The following PTPN3 variants were observed in gnomAD, a reference collection of about 807,000 sequenced individuals.
PTPN3 encodes protein tyrosine phosphatase non-receptor type 3, also known as tyrosine-protein phosphatase non-receptor type 3.
In PTPN3, 96 loss-of-function variants were observed where a neutral mutation model predicts 132.7. The ratio of observed to expected loss-of-function variants is 0.72; its 90% CI spans 0.61 to 0.86. The LOEUF is 0.86. PTPN3 is among the 40% of genes least tolerant of loss of function. PTPN3 has a pLI of 0.00. For synonymous variants in PTPN3, 398 were observed against 429.0 expected, an observed-to-expected ratio of 0.93 and a Z score of 0.89; for missense variants, 1,125 against 1,159.6, an observed-to-expected ratio of 0.97 and a Z score of 0.43.
At chr9:109,469,498 TATCTC>T (rs1008622838) in intron 1 of PTPN3, among the ~76,000 whole-genome samples, 1 of 152,074 alleles carries the variant, frequency 6.6e-6, no homozygotes, top group African/African-American at 2.4e-5. Flanking sequence ...GCACGCCTGT[TATCTC>T]AGCTACTTGG....
the PTPN3 span, among the ~76,000 whole-genome samples, chr9:109,519,472 A>G: frequency 6.6e-6 from 1 of 152,230 alleles, no homozygotes; most frequent in Admixed American, 6.5e-5. Context: ...TAACTGCATC[A>G]TAGGTCGAGG....
rs148487483 is a variant in PTPN3 at position 109,407,254 on chromosome 9, G to A, written c.1636-636C>T. ...GGTAACTATGGAGCCAGGTGAGGTG[G>A]GACACACCTGTGGTCTCAGCGACTT... On this transcript the variant is annotated intron_variant, in intron 17 of 25. Transcript: ENST00000374541. Among the ~76,000 whole-genome samples, 8 of 152,288 alleles carry A rather than the reference G, an allele frequency of 5.3e-5. No homozygotes were observed. In the East Asian group the frequency reaches 1.5e-3, roughly 29 times the overall value.
chr9:109,442,846 G>T (rs1844586606), intron 7 of PTPN3, among the ~76,000 whole-genome samples: 1 of 152,124 alleles, frequency 6.6e-6, no homozygotes, highest in African/African-American at 2.4e-5. Flanking sequence ...AGGTACAAGT[G>T]GAAAAGGCAA....
At chr9:109,417,415 T>C (rs1330096447) in intron 14 of PTPN3, among the ~76,000 whole-genome samples, 1 of 152,266 alleles carries the variant, frequency 6.6e-6, no homozygotes, top group Non-Finnish European at 1.5e-5. Flanking sequence ...TGTGATATTA[T>C]TCATCCGATT....
rs760355107 is a variant in PTPN3, at chr9:109,454,529, G to A, written c.335C>T (p.Pro112Leu). Reference sequence around the variant, plus strand: ...TTCTTGCTGCAGTGTGTTGGGATCAGGTATAAAAAATCTTACTCGAAAATG... The same window carrying A: ...TTCTTGCTGCAGTGTGTTGGGATCAAGTATAAAAAATCTTACTCGAAAATG... ...TLHFRVRFFI[P>L]DPNTLQQEQT... Residue 112 changes from proline (P) to leucine (L), a missense_variant, in exon 5 of 26, where the codon CCT becomes CTT. Coordinates refer to ENST00000374541, the MANE Select transcript of PTPN3 (RefSeq NM_002829.4). The A allele has an allele frequency of 6.2e-7, 1 of 1,613,388 alleles. No individual in the cohort carries two copies. Among genetic ancestry groups the A allele is most frequent in the South Asian group, 1.1e-5 (1 of 91,044 alleles).
In PTPN3 at chr9:109,427,105, A is replaced by ATGT. The variant is rs774066125; in HGVS notation, c.843_845dup (p.Glu281_His282insGln). On this transcript the variant is annotated inframe_insertion, in exon 12 of 26. Transcript: ENST00000374541. ...AATTCAGCATGTTGAAGGCCACAAT[A>ATGT]TGTTCCCTGGATTCAGCCTGGGAGG... is the stretch of plus-strand genomic sequence containing the variant. 2.9e-5 allele frequency: 47 copies of ATGT among 1,614,000 alleles called. No homozygotes were observed. Among genetic ancestry groups the ATGT allele is most frequent in the Non-Finnish European group, 3.6e-5 (42 of 1,180,000 alleles).
At chr9:109,503,008 G>A (rs138019187), upstream of PTPN3, among the ~76,000 whole-genome samples, 73 of 152,254 alleles carry the variant, frequency 4.8e-4, no homozygotes, top group Admixed American at 7.2e-4. Context: ...GTCTTTGGGT[G>A]TCTATTTTTT....
intron 7 of PTPN3, 97 bp downstream of exon 7, chr9:109,445,143 G>C (rs899122358): frequency 7.9e-7 from 1 of 1,270,292 alleles, no homozygotes; most frequent in African/African-American, 1.5e-5. Context: ...GATTCCTGGG[G>C]AAGAGGGACT....
At chr9:109,459,502 G>T (rs1029179149) in intron 2 of PTPN3, among the ~76,000 whole-genome samples, 11 of 152,210 alleles carry the variant, frequency 7.2e-5, no homozygotes, top group African/African-American at 2.7e-4. Flanking sequence ...TAAGAACAAT[G>T]ACGTTCATAA....
chr9:109,480,489 T>C (rs1846906686), intron 1 of PTPN3, among the ~76,000 whole-genome samples: 2 of 152,240 alleles, frequency 1.3e-5, no homozygotes, highest in African/African-American at 4.8e-5. Context: ...TAGGTTGCCT[T>C]TTCACTTTCT....
intron 1 of PTPN3, among the ~76,000 whole-genome samples, chr9:109,470,175 C>T (rs1252243976): frequency 5.9e-5 from 9 of 152,130 alleles, no homozygotes; most frequent in East Asian, 3.8e-4. Flanking sequence ...GTGCACTTCT[C>T]GTCAAATGCC....
At chr9:109,458,926 C>T (rs1845692957) in intron 2 of PTPN3, among the ~76,000 whole-genome samples, 1 of 152,218 alleles carries the variant, frequency 6.6e-6, no homozygotes, top group African/African-American at 2.4e-5. Flanking sequence ...TATATATGAT[C>T]TCTAATCTTT....
intron 1 of PTPN3, among the ~76,000 whole-genome samples, chr9:109,493,076 C>G (rs970045389): frequency 1.3e-5 from 2 of 152,136 alleles, no homozygotes; most frequent in Non-Finnish European, 2.9e-5. Context: ...ACTTTGACAA[C>G]AGATGATTTG....
At chr9:109,493,860 A>G (rs1017297418) in intron 1 of PTPN3, among the ~76,000 whole-genome samples, 2 of 152,212 alleles carry the variant, frequency 1.3e-5, no homozygotes, top group African/African-American at 4.8e-5. Flanking sequence ...AGAGGAGTTC[A>G]GCCCCCACCT....
chr9:109,383,016 T>C (rs991662053), intron 23 of PTPN3, among the ~76,000 whole-genome samples: 1 of 152,210 alleles, frequency 6.6e-6, no homozygotes, highest in Non-Finnish European at 1.5e-5. Flanking sequence ...TCTCTATGAA[T>C]TGGACGACTC....
intron 9 of PTPN3, among the ~76,000 whole-genome samples, chr9:109,434,300 G>A (rs1232951999): frequency 1.6e-4 from 24 of 147,912 alleles, no homozygotes; most frequent in Middle Eastern, 3.5e-3. Context: ...GTGCCACCAC[G>A]CCCAGCTAAT....
At position 109,420,585 on chromosome 9, in the gene PTPN3, G is replaced by C. The variant is rs142016536; in HGVS notation, c.1152C>G (p.Leu384=). The C allele has an allele frequency of 1.4e-5, 23 of 1,609,148 alleles. No homozygotes were observed. The highest frequency in any genetic ancestry group is 2.0e-5 in the Non-Finnish European group (23 of 1,177,270). ...GGCGTGGCTTTCGGATTTCGTGCCG[G>C]AGCCGAGGACTTCGCCTGGGTGGGA... is the stretch of plus-strand genomic sequence containing the variant. ...PITPNWRSPR[L]RHEIRKPRHS... The change falls in exon 14 of 26, where the codon CTC becomes CTG. Residue 384 remains leucine, a synonymous_variant. Coordinates refer to ENST00000374541, the MANE Select transcript of PTPN3 (RefSeq NM_002829.4).
the PTPN3 span, chr9:109,534,198 T>C: frequency 8.7e-7 from 1 of 1,145,016 alleles, no homozygotes; most frequent in Non-Finnish European, 1.3e-6. Flanking sequence ...CAGGTGCTGC[T>C]GATGTGAAGC....
At chr9:109,441,009 T>G (rs187227995) in intron 7 of PTPN3, among the ~76,000 whole-genome samples, 18 of 152,314 alleles carry the variant, frequency 1.2e-4, no homozygotes, top group South Asian at 2.1e-4. Flanking sequence ...CCCTGTGATA[T>G]AGGCAATGCT....
Sources: gnomAD v4.1 joint callset for allele counts (sites outside exome capture counted in the v4.1 genomes callset) on GRCh38, gnomAD v4.1.1 for gene constraint, MANE v1.5 for transcripts, NCBI Gene and HGNC (gene_info 2026-07-23, HGNC 2026-07-21) for gene names.